SYT14: variants seen among roughly 807,000 people sequenced by gnomAD.
The protein encoded by SYT14 is synaptotagmin 14.
In SYT14, 32 loss-of-function variants were observed where a neutral mutation model predicts 74.2. The observed-to-expected ratio is 0.43, with a 90% CI of 0.33 to 0.58. The LOEUF is 0.58. Ranked by LOEUF, SYT14 falls within the 20% of genes least tolerant of loss-of-function variation. SYT14 has a pLI of 0.05. For missense variants in SYT14, 791 were observed against 981.8 expected (o/e 0.81, Z 2.60); for synonymous variants, 298 against 337.7 (o/e 0.88, Z 1.29).
chr1:210,078,351 A>G (rs911672242), intron 5 of SYT14, among the ~76,000 whole-genome samples: 1 of 147,974 alleles, frequency 6.8e-6, no homozygotes, highest in Non-Finnish European at 1.5e-5. Flanking sequence ...CATCTATTTC[A>G]GGGAACTGTA....
intron 5 of SYT14, among the ~76,000 whole-genome samples, chr1:210,092,830 A>G (rs1304368129): frequency 6.6e-6 from 1 of 152,252 alleles, no homozygotes. Flanking sequence ...TGTACCAAAC[A>G]TACAGACTTT....
intron 5 of SYT14, among the ~76,000 whole-genome samples, chr1:210,092,336 A>G (rs910073968): frequency 1.3e-5 from 2 of 152,180 alleles, no homozygotes; most frequent in Non-Finnish European, 2.9e-5. Flanking sequence ...CTCCTCCAAG[A>G]GGGAAGCAGG....
chr1:209,963,937 A>C (rs1197667613), intron 2 of SYT14, among the ~76,000 whole-genome samples: 1 of 152,218 alleles, frequency 6.6e-6, no homozygotes, highest in Non-Finnish European at 1.5e-5. Flanking sequence ...CCAGCTATAC[A>C]ATACCAGTTA....
chr1:210,017,880 T>G (rs2080218174), intron 4 of SYT14, among the ~76,000 whole-genome samples: 1 of 152,190 alleles, frequency 6.6e-6, no homozygotes. Flanking sequence ...ACACTGGCTT[T>G]TATTTATAAA....
At chr1:210,164,126 A>G (rs563283473) in exon 10 of SYT14, 2 of 445,100 alleles carry the variant, frequency 4.5e-6, no homozygotes, top group African/African-American at 4.0e-5. Context: ...TTTGTTTAGC[A>G]TAATATTGCC....
At chr1:210,071,822 A>G (rs1387932) in intron 5 of SYT14, among the ~76,000 whole-genome samples, 7,568 of 152,052 alleles carry the variant, frequency 0.05, 1,040 homozygotes, top group East Asian at 0.42. Flanking sequence ...TGTTTTTATT[A>G]CAAGTTAACA....
chr1:210,015,187 G>A (rs1359306230), intron 3 of SYT14, among the ~76,000 whole-genome samples: 6 of 152,204 alleles, frequency 3.9e-5, no homozygotes, highest in Middle Eastern at 6.8e-3. Context: ...CTAGCATAAT[G>A]GAAGACAGCT....
intron 4 of SYT14, among the ~76,000 whole-genome samples, chr1:210,018,745 A>T (rs1445988028): frequency 6.6e-6 from 1 of 152,216 alleles, no homozygotes; most frequent in Non-Finnish European, 1.5e-5. Flanking sequence ...AATGATTTTC[A>T]AAAATTGTTT....
intron 2 of SYT14, among the ~76,000 whole-genome samples, chr1:209,974,215 G>A (rs78452459): frequency 0.47 from 70,535 of 151,502 alleles, 17,405 homozygotes; most frequent in Non-Finnish European, 0.56. Flanking sequence ...TTTTAGTTTA[G>A]TTAGATCCCA....
intron 5 of SYT14, among the ~76,000 whole-genome samples, chr1:210,041,169 T>C (rs1350162400): frequency 2.0e-5 from 3 of 152,176 alleles, no homozygotes; most frequent in Non-Finnish European, 2.9e-5. Flanking sequence ...TCCTCTGATG[T>C]TGGGAAAACA....
chr1:209,942,007 CTG>C (rs1244905740), intron 1 of SYT14, among the ~76,000 whole-genome samples: 1 of 152,148 alleles, frequency 6.6e-6, no homozygotes, highest in Non-Finnish European at 1.5e-5. Flanking sequence ...GAAAAAAAGT[CTG>C]TACATATTCA....
intron 1 of SYT14, 114 bp downstream of exon 1, chr1:209,938,391 C>A: frequency 9.2e-7 from 1 of 1,081,778 alleles, no homozygotes; most frequent in Non-Finnish European, 1.3e-6. Flanking sequence ...TGGTCTGGAG[C>A]CGGCTGAAGA....
intron 2 of SYT14, among the ~76,000 whole-genome samples, chr1:210,010,519 AC>A (rs1411070335): frequency 6.6e-6 from 1 of 152,080 alleles, no homozygotes; most frequent in East Asian, 1.9e-4. Context: ...CCTTTTTTAT[AC>A]CCTACTCAAG....
At chr1:210,056,848 A>ATTTATTTATTTATTTAT (rs1214154760) in intron 5 of SYT14, among the ~76,000 whole-genome samples, 1 of 150,956 alleles carries the variant, frequency 6.6e-6, no homozygotes, top group Admixed American at 6.6e-5. Context: ...TTATTTATTT[A>ATTTATTTATTTATTTAT]TTTATTTATT....
intron 2 of SYT14, among the ~76,000 whole-genome samples, chr1:209,988,973 T>A (rs925945595): frequency 7.2e-5 from 11 of 152,202 alleles, no homozygotes; most frequent in African/African-American, 2.7e-4. Context: ...CAGGTTTATC[T>A]CCTCAACACT....
At chr1:209,952,835 G>T in intron 2 of SYT14, 79 bp downstream of exon 2, 1 of 1,354,172 alleles carries the variant, frequency 7.4e-7, no homozygotes. Flanking sequence ...GTAGGATGGC[G>T]GATAATTTGT....
intron 1 of SYT14, among the ~76,000 whole-genome samples, chr1:209,949,064 A>G (rs1158422588): frequency 6.6e-6 from 1 of 152,196 alleles, no homozygotes; most frequent in Non-Finnish European, 1.5e-5. Context: ...TTGCCTCCTG[A>G]TTACAAATTT....
chr1:210,086,476 G>C (rs1182258113), intron 5 of SYT14, among the ~76,000 whole-genome samples: 1 of 152,168 alleles, frequency 6.6e-6, no homozygotes, highest in Non-Finnish European at 1.5e-5. Flanking sequence ...GCACTGTCAA[G>C]CTGATTTATT....
At chr1:210,029,380 C>T in intron 5 of SYT14, among the ~76,000 whole-genome samples, 1 of 152,164 alleles carries the variant, frequency 6.6e-6, no homozygotes, top group Middle Eastern at 3.4e-3. Flanking sequence ...ATGTTTTCTT[C>T]TAAGAGTTTC....
Sources: allele counts gnomAD v4.1 joint callset (sites outside exome capture counted in the v4.1 genomes callset), GRCh38; gene constraint gnomAD v4.1.1; transcripts MANE v1.5; gene names NCBI Gene and HGNC (gene_info 2026-07-23, HGNC 2026-07-21).